The following MYO10 variants were observed in gnomAD, a reference collection of about 807,000 sequenced individuals.
MYO10 encodes unconventional myosin-X.
In MYO10, 133 loss-of-function variants were observed where a neutral mutation model predicts 257.3. That is an observed-to-expected ratio of 0.52 (90% CI 0.45 to 0.60). MYO10 has a LOEUF of 0.60. Ranked by LOEUF, MYO10 falls within the 20% of genes least tolerant of loss-of-function variation. The pLI, the probability that MYO10 is intolerant of heterozygous loss-of-function variation, is 0.00. For missense variants in MYO10, 2,399 were observed against 2,635.7 expected (o/e 0.91, Z 1.97); for synonymous variants, 1,104 against 1,028.6 (o/e 1.07, Z -1.40).
chr5:16,746,758 A>G (rs1384662210), intron 19 of MYO10, among the ~76,000 whole-genome samples: 1 of 152,208 alleles, frequency 6.6e-6, no homozygotes, highest in Non-Finnish European at 1.5e-5. Flanking sequence ...GCGATAAGAA[A>G]TCATTGTGCT....
At chr5:16,929,204 C>T (rs549508526) in intron 1 of MYO10, among the ~76,000 whole-genome samples, 160 of 152,074 alleles carry the variant, frequency 1.1e-3, no homozygotes, top group African/African-American at 3.1e-3. Context: ...CCGCCCACCT[C>T]GGCCTCCCAA....
chr5:16,793,035 A>C (rs539818820), intron 4 of MYO10, among the ~76,000 whole-genome samples: 1 of 152,350 alleles, frequency 6.6e-6, no homozygotes, highest in East Asian at 1.9e-4. Context: ...CAGATGTCGG[A>C]ATCTTCGTTC....
At chr5:16,781,668 T>A in intron 6 of MYO10, 37 bp downstream of exon 6, 1 of 1,580,620 alleles carries the variant, frequency 6.3e-7, no homozygotes, top group Non-Finnish European at 8.6e-7. Flanking sequence ...ACTTAGAGAA[T>A]CAATTACTAT....
intron 3 of MYO10, among the ~76,000 whole-genome samples, chr5:16,816,846 GT>G (rs1393595685): frequency 1.4e-5 from 2 of 143,352 alleles, no homozygotes; most frequent in African/African-American, 5.3e-5. Context: ...CTGAGACAGA[GT>G]TTCGCTCTGT....
chr5:16,930,865 G>A (rs114820834), intron 1 of MYO10, among the ~76,000 whole-genome samples: 3,337 of 152,266 alleles, frequency 0.022, 137 homozygotes, highest in African/African-American at 0.076. Flanking sequence ...AAGGGGAAAC[G>A]CTTAATCCAG....
At chr5:16,762,420 G>C in intron 15 of MYO10, 125 bp downstream of exon 15, 1 of 799,752 alleles carries the variant, frequency 1.3e-6, no homozygotes, top group Non-Finnish European at 2.0e-6. Context: ...GAACAGCTTT[G>C]GTTTGAGAAT....
At chr5:16,675,886 A>G in intron 34 of MYO10, 145 bp downstream of exon 34, 1 of 992,294 alleles carries the variant, frequency 1.0e-6, no homozygotes, top group Non-Finnish European at 1.5e-6. Flanking sequence ...TAATGAATCT[A>G]AGTATATTTC....
intron 2 of MYO10, among the ~76,000 whole-genome samples, chr5:16,849,233 G>A (rs1743729464): frequency 1.3e-5 from 2 of 152,174 alleles, no homozygotes; most frequent in Admixed American, 6.5e-5. Context: ...AACCTCATCT[G>A]CTATTAGAAA....
intron 2 of MYO10, among the ~76,000 whole-genome samples, chr5:16,854,392 T>C (rs1743900041): frequency 6.6e-6 from 1 of 152,182 alleles, no homozygotes; most frequent in South Asian, 2.1e-4. Flanking sequence ...TGCTGGTACA[T>C]GCTGCACCAT....
At chr5:16,688,601 G>A (rs1028499962) in intron 28 of MYO10, among the ~76,000 whole-genome samples, 5 of 152,052 alleles carry the variant, frequency 3.3e-5, no homozygotes, top group Admixed American at 6.6e-5. Context: ...TTTGCCAGGC[G>A]TGGTGGTGCA....
intron 1 of MYO10, among the ~76,000 whole-genome samples, chr5:16,882,869 A>C (rs1744793402): frequency 6.8e-6 from 1 of 146,962 alleles, no homozygotes; most frequent in South Asian, 2.1e-4. Flanking sequence ...ATAATGGGTG[A>C]ATTTCTCTCT....
chr5:16,711,365 T>C, intron 19 of MYO10, 120 bp from the exon 20 acceptor site: 1 of 1,047,222 alleles, frequency 9.5e-7, no homozygotes, highest in Non-Finnish European at 1.4e-6. Flanking sequence ...TACGAGAATC[T>C]TGAACCTACA....
At chr5:16,779,012 C>A (rs1240628975) in intron 9 of MYO10, among the ~76,000 whole-genome samples, 2 of 152,222 alleles carry the variant, frequency 1.3e-5, no homozygotes, top group East Asian at 3.9e-4. Context: ...CCCAATAAAA[C>A]CCTGCTCTAC....
intron 9 of MYO10, among the ~76,000 whole-genome samples, chr5:16,778,861 T>G (rs1025902588): frequency 2.0e-5 from 3 of 151,918 alleles, no homozygotes; most frequent in Non-Finnish European, 4.4e-5. Flanking sequence ...CGGCTAATTG[T>G]TTGTATTTTT....
Position 16,794,827 on chromosome 5 carries a change from TG to T in MYO10, c.285del (p.Tyr95Ter). On this transcript the variant is annotated frameshift_variant, in exon 4 of 41. Transcript: ENST00000513610. LOFTEE classifies it high-confidence loss of function. ...TTCACGGAGGCCAGGATGGAGCCGATGTAGGTCTGCAAGCACAGAGTGAGAC... is the reference window on the plus strand; with the variant it reads ...TTCACGGAGGCCAGGATGGAGCCGATTAGGTCTGCAAGCACAGAGTGAGAC... ...QRYKRNQIYT[Y>X]IGSILASVNP... 1 of 1,531,100 alleles carries T rather than the reference TG, an allele frequency of 6.5e-7. No individual in the cohort carries two copies. Among genetic ancestry groups the T allele is most frequent in the Non-Finnish European group, 8.8e-7 (1 of 1,135,284 alleles). The allele number at this position is 1,531,100 out of a possible 1,614,324, so 94.8% of individuals were successfully genotyped here.
intron 33 of MYO10, among the ~76,000 whole-genome samples, chr5:16,678,760 G>T (rs1736850019): frequency 6.6e-6 from 1 of 152,306 alleles, no homozygotes; most frequent in Non-Finnish European, 1.5e-5. Flanking sequence ...CTTGGATCTG[G>T]TTAGCTAATT....
At chr5:16,898,343 C>A (rs1745271084) in intron 1 of MYO10, among the ~76,000 whole-genome samples, 1 of 151,688 alleles carries the variant, frequency 6.6e-6, no homozygotes, top group South Asian at 2.1e-4. Flanking sequence ...TTCAAAATGT[C>A]ATCATAAAAA....
At chr5:16,681,578 T>C (rs898261563) in intron 31 of MYO10, 75 bp from the exon 32 acceptor site, 6 of 1,379,238 alleles carry the variant, frequency 4.4e-6, no homozygotes, top group Non-Finnish European at 6.0e-6. Flanking sequence ...ATCTGCATAA[T>C]GCTAACACAT....
Position 16,671,058 on chromosome 5 carries a change from C to T in MYO10, c.5431-80G>A, listed in dbSNP as rs899623986. ...GCCCACGTCGCTTGCTCCCTCACTTCATGAGGGTTTCTCTCAAACTCACCT... is the reference window on the plus strand; with the variant it reads ...GCCCACGTCGCTTGCTCCCTCACTTTATGAGGGTTTCTCTCAAACTCACCT... On this transcript the variant is annotated intron_variant, in intron 38 of 40. Coordinates refer to ENST00000513610, the MANE Select transcript of MYO10 (RefSeq NM_012334.3). 18 of 1,266,768 alleles carry T rather than the reference C, an allele frequency of 1.4e-5. No individual in the cohort carries two copies. In the African/African-American group the frequency reaches 2.6e-4, roughly 18 times the overall value. 78.5% of individuals were successfully genotyped at this position (1,266,768 alleles called of 1,614,324 possible). A position where few individuals can be genotyped will look rare whatever the true frequency, so the allele number is the denominator to read the frequency against.
Sources: gnomAD v4.1 joint callset for allele counts (sites outside exome capture counted in the v4.1 genomes callset) on GRCh38, gnomAD v4.1.1 for gene constraint, MANE v1.5 for transcripts, NCBI Gene and HGNC (gene_info 2026-07-23, HGNC 2026-07-21) for gene names.